The following OLFM3 variants were observed in gnomAD, a reference collection of about 807,000 sequenced individuals.
OLFM3 encodes the protein olfactomedin 3, also known as noelin-3.
A neutral mutation model predicts 48.6 loss-of-function variants in OLFM3; 20 were observed. The ratio of observed to expected loss-of-function variants is 0.41; its 90% CI spans 0.29 to 0.60. The LOEUF (loss-of-function observed/expected upper bound fraction) is 0.60. Among genes scored for constraint, OLFM3 ranks in the 20% least tolerant of loss-of-function variants. OLFM3 has a pLI of 0.28. For missense variants in OLFM3, 437 were observed against 544.3 expected (o/e 0.80, Z 1.96); for synonymous variants, 222 against 198.1 (o/e 1.12, Z -1.01).
In OLFM3 at chr1:101,836,874, C is replaced by G; in HGVS notation, c.216+5G>C. 1 of 1,613,960 alleles carries G rather than the reference C, an allele frequency of 6.2e-7. No homozygotes were observed. Among genetic ancestry groups the G allele is most frequent in the Non-Finnish European group, 8.5e-7 (1 of 1,179,884 alleles). On this transcript the variant is annotated splice_donor_5th_base_variant and intron_variant, in intron 2 of 5. Coordinates refer to ENST00000370103, the MANE Select transcript of OLFM3 (RefSeq NM_058170.4). The stretch of plus-strand genomic sequence containing the variant: ...AAATATGCATAGGGGACACAGGACA[C>G]CTACCTTTTCCAGTAGTTGGCGAAG...
intron 1 of OLFM3, among the ~76,000 whole-genome samples, chr1:101,910,933 T>A (rs999601008): frequency 6.6e-6 from 1 of 151,866 alleles, no homozygotes; most frequent in Non-Finnish European, 1.5e-5. Context: ...GAAACTGCAT[T>A]TTTTTTTAGT....
At chr1:101,922,775 ATC>A (rs1659138964) in intron 1 of OLFM3, among the ~76,000 whole-genome samples, 1 of 152,222 alleles carries the variant, frequency 6.6e-6, no homozygotes, top group Non-Finnish European at 1.5e-5. Context: ...CCTCAGAGGT[ATC>A]ACAATGTGCC....
At chr1:101,913,347 A>C (rs1658819469) in intron 1 of OLFM3, among the ~76,000 whole-genome samples, 1 of 152,204 alleles carries the variant, frequency 6.6e-6, no homozygotes, top group Non-Finnish European at 1.5e-5. Context: ...TCAACAGACA[A>C]GAGGCTAAGA....
At chr1:101,995,637 T>C (rs1014908008) in intron 1 of OLFM3, among the ~76,000 whole-genome samples, 1 of 152,168 alleles carries the variant, frequency 6.6e-6, no homozygotes, top group Non-Finnish European at 1.5e-5. Context: ...ACAACCACAG[T>C]ATTAAATTAT....
chr1:101,892,467 T>A (rs1369137703), intron 1 of OLFM3, among the ~76,000 whole-genome samples: 1 of 152,076 alleles, frequency 6.6e-6, no homozygotes, highest in Non-Finnish European at 1.5e-5. Flanking sequence ...CCTAATTCCT[T>A]TTACAAAAAT....
At chr1:101,886,171 C>T (rs1447776126) in intron 1 of OLFM3, among the ~76,000 whole-genome samples, 2 of 151,436 alleles carry the variant, frequency 1.3e-5, no homozygotes, top group Non-Finnish European at 2.9e-5. Flanking sequence ...TGAGTTCATG[C>T]AAAAATGAGA....
intron 1 of OLFM3, among the ~76,000 whole-genome samples, chr1:101,898,771 T>A (rs1216229480): frequency 1.3e-5 from 2 of 151,816 alleles, no homozygotes. Flanking sequence ...ATCACTTGAG[T>A]CTGGGAGGCA....
At chr1:101,917,152 A>G (rs1658953968) in intron 1 of OLFM3, among the ~76,000 whole-genome samples, 2 of 152,138 alleles carry the variant, frequency 1.3e-5, no homozygotes, top group African/African-American at 4.8e-5. Context: ...GAAGGTCAGA[A>G]TATTTTAGAG....
At chr1:101,965,864 C>G (rs1557749615) in intron 1 of OLFM3, among the ~76,000 whole-genome samples, 1 of 152,158 alleles carries the variant, frequency 6.6e-6, no homozygotes, top group African/African-American at 2.4e-5. Flanking sequence ...GGGAAAGGGG[C>G]TGATCATTGC....
intron 1 of OLFM3, among the ~76,000 whole-genome samples, chr1:101,972,247 T>G (rs1335621687): frequency 6.6e-6 from 1 of 152,226 alleles, no homozygotes; most frequent in Non-Finnish European, 1.5e-5. Flanking sequence ...TTGTGATATT[T>G]CCAGAAGGAT....
intron 1 of OLFM3, among the ~76,000 whole-genome samples, chr1:101,973,669 A>G (rs1311453624): frequency 1.3e-5 from 2 of 152,212 alleles, no homozygotes; most frequent in Non-Finnish European, 1.5e-5. Context: ...AGAGTTAAAG[A>G]GTAGAACAAT....
At chr1:101,889,307 G>C (rs1657896181) in intron 1 of OLFM3, among the ~76,000 whole-genome samples, 1 of 152,116 alleles carries the variant, frequency 6.6e-6, no homozygotes, top group Non-Finnish European at 1.5e-5. Context: ...ATAAACCATG[G>C]AATACTATGC....
intron 4 of OLFM3, chr1:101,812,455 A>G (rs1042021026): frequency 3.0e-6 from 3 of 985,360 alleles, no homozygotes; most frequent in East Asian, 2.3e-4. Flanking sequence ...AAGAAGACAC[A>G]ATTCTGGTAT....
chr1:101,827,706 C>G (rs906029559), intron 3 of OLFM3, among the ~76,000 whole-genome samples: 2 of 152,126 alleles, frequency 1.3e-5, no homozygotes, highest in African/African-American at 4.8e-5. Context: ...CTAAAGTCTA[C>G]TTGGAGAAGC....
At chr1:101,885,543 C>T (rs1201641868) in intron 1 of OLFM3, among the ~76,000 whole-genome samples, 1 of 152,042 alleles carries the variant, frequency 6.6e-6, no homozygotes, top group Non-Finnish European at 1.5e-5. Context: ...ACCTCTTCTG[C>T]CTCTGTCATG....
intron 1 of OLFM3, among the ~76,000 whole-genome samples, chr1:101,960,368 G>A (rs758494274): frequency 6.6e-6 from 1 of 152,192 alleles, no homozygotes; most frequent in Non-Finnish European, 1.5e-5. Flanking sequence ...CATGCCGGGA[G>A]CTTAGAGCAA....
intron 1 of OLFM3, among the ~76,000 whole-genome samples, chr1:101,871,521 T>C (rs551553551): frequency 2.0e-4 from 30 of 152,198 alleles, no homozygotes; most frequent in South Asian, 1.9e-3. Flanking sequence ...GCAGTAAGAA[T>C]TGATAGCTTG....
intron 1 of OLFM3, among the ~76,000 whole-genome samples, chr1:101,862,691 A>T (rs1656703439): frequency 6.6e-6 from 1 of 152,194 alleles, no homozygotes; most frequent in Non-Finnish European, 1.5e-5. Context: ...CCTCACCAGA[A>T]ATGTGATTCA....
intron 2 of OLFM3, among the ~76,000 whole-genome samples, chr1:101,831,746 C>T (rs12563907): frequency 0.043 from 6,482 of 152,258 alleles, 285 homozygotes; most frequent in East Asian, 0.17. Flanking sequence ...AAATGCTCAT[C>T]CAGAACTACT....
Sources: allele counts gnomAD v4.1 joint callset (sites outside exome capture counted in the v4.1 genomes callset), GRCh38; gene constraint gnomAD v4.1.1; transcripts MANE v1.5; gene names NCBI Gene and HGNC (gene_info 2026-07-23, HGNC 2026-07-21).